The following TNFRSF21 variants were observed in gnomAD, a reference collection of about 807,000 sequenced individuals.
The protein encoded by TNFRSF21 is tumor necrosis factor receptor superfamily member 21.
Under a neutral mutation model 45.6 loss-of-function variants are expected in TNFRSF21, and 19 were observed. The ratio of observed to expected loss-of-function variants is 0.42; its 90% CI spans 0.29 to 0.61. TNFRSF21 has a LOEUF of 0.61. Among genes scored for constraint, TNFRSF21 ranks in the 20% least tolerant of loss-of-function variants. The pLI is 0.23. For missense variants in TNFRSF21, 737 were observed against 851.5 expected (o/e 0.87, Z 1.67); for synonymous variants, 314 against 335.5 (o/e 0.94, Z 0.70).
chr6:47,290,681 A>C (rs1762711832), intron 1 of TNFRSF21, among the ~76,000 whole-genome samples: 1 of 152,216 alleles, frequency 6.6e-6, no homozygotes, highest in African/African-American at 2.4e-5. Context: ...TCTCTAAAAA[A>C]GGACCTTTAA....
chr6:47,236,814 C>G (rs1764670272), intron 4 of TNFRSF21, among the ~76,000 whole-genome samples: 1 of 152,204 alleles, frequency 6.6e-6, no homozygotes, highest in South Asian at 2.1e-4. Context: ...GAACACTTGT[C>G]TACATCCTGG....
chr6:47,289,469 C>A (rs1198577310), intron 1 of TNFRSF21, among the ~76,000 whole-genome samples: 2 of 151,902 alleles, frequency 1.3e-5, no homozygotes, highest in Non-Finnish European at 2.9e-5. Flanking sequence ...CCTCCCCCAA[C>A]AAAAAAAGGA....
In TNFRSF21 at chr6:47,289,244, G is replaced by T. The variant is rs557179627; in HGVS notation, c.97-2649C>A. 7.7e-4 allele frequency among the ~76,000 whole-genome samples: 117 copies of T among 152,164 alleles called. 1 individual carries two copies. Among genetic ancestry groups the T allele is most frequent in the Non-Finnish European group, 1.4e-3 (95 of 68,000 alleles). Reference sequence around the variant, plus strand: ...ACCAGTGACTAAGAGAATAAATCAAGAATTTTTTTCACAGTGATCAGAGTT... The same window carrying T: ...ACCAGTGACTAAGAGAATAAATCAATAATTTTTTTCACAGTGATCAGAGTT... On this transcript the variant is annotated intron_variant, in intron 1 of 5. Coordinates refer to ENST00000296861, the MANE Select transcript of TNFRSF21 (RefSeq NM_014452.5).
rs1363225110 is a variant in TNFRSF21, at chr6:47,231,782, C to T, written c.*983G>A. 6.6e-6 allele frequency: 1 copy of T among 152,568 alleles called. No individual in the cohort carries two copies. The highest frequency in any genetic ancestry group is 1.5e-5 in the Non-Finnish European group (1 of 68,028). 9.5% of individuals were successfully genotyped at this position (152,568 alleles called of 1,614,324 possible). On this transcript the variant is annotated 3_prime_UTR_variant, in exon 6 of 6. Transcript: ENST00000296861. Reference sequence around the variant, plus strand: ...AATTGGTGAAGGAATCCCACCAGGACCAAGGCCTTGAGAGCAGATTGGACC... The same window carrying T: ...AATTGGTGAAGGAATCCCACCAGGATCAAGGCCTTGAGAGCAGATTGGACC...
intron 3 of TNFRSF21, among the ~76,000 whole-genome samples, chr6:47,280,176 G>T (rs1762548687): frequency 6.6e-6 from 1 of 152,204 alleles, no homozygotes; most frequent in Admixed American, 6.5e-5. Context: ...TCTACTGAGG[G>T]TAGGCAGGGA....
chr6:47,248,177 G>C (rs1345835561), intron 4 of TNFRSF21, among the ~76,000 whole-genome samples: 1 of 152,154 alleles, frequency 6.6e-6, no homozygotes, highest in Non-Finnish European at 1.5e-5. Context: ...ATGAAGGGAT[G>C]CTGAAACTCT....
chr6:47,274,492 C>G (rs1385267948), intron 3 of TNFRSF21, among the ~76,000 whole-genome samples: 2 of 152,092 alleles, frequency 1.3e-5, no homozygotes, highest in Non-Finnish European at 2.9e-5. Context: ...ATTAATTCAA[C>G]ATGGATTAAA....
At chr6:47,255,143 C>G (rs1254204050) in intron 3 of TNFRSF21, among the ~76,000 whole-genome samples, 1 of 152,188 alleles carries the variant, frequency 6.6e-6, no homozygotes, top group Non-Finnish European at 1.5e-5. Context: ...CACTTGAAAA[C>G]CCAGTGAGTG....
At chr6:47,267,261 G>C (rs1284430732) in intron 3 of TNFRSF21, among the ~76,000 whole-genome samples, 1 of 151,860 alleles carries the variant, frequency 6.6e-6, no homozygotes, top group Non-Finnish European at 1.5e-5. Flanking sequence ...ACTACGCCCA[G>C]CTAATTTTTG....
chr6:47,297,586 G>A lies in TNFRSF21; in HGVS notation c.97-10991C>T, dbSNP rs943970895. 4.2e-5 allele frequency among the ~76,000 whole-genome samples: 6 copies of A among 144,072 alleles called. No homozygotes were observed. The Admixed American group carries it at 4.5e-4, about 11-fold the overall frequency. 94.5% of individuals were successfully genotyped at this position (144,072 alleles called of 152,430 possible). A position where few individuals can be genotyped will look rare whatever the true frequency, so the allele number is the denominator to read the frequency against. ...CACCCAGGCTGGATTGCAGTGGCAC[G>A]ATCTGGGCTCACTGCAACTTCTCCC... On this transcript the variant is annotated intron_variant, in intron 1 of 5. Coordinates refer to ENST00000296861, the MANE Select transcript of TNFRSF21 (RefSeq NM_014452.5).
At chr6:47,288,890 A>G (rs1295632576) in intron 1 of TNFRSF21, among the ~76,000 whole-genome samples, 1 of 152,246 alleles carries the variant, frequency 6.6e-6, no homozygotes, top group Non-Finnish European at 1.5e-5. Context: ...CTGTTTGCTC[A>G]GCCTTTGAAG....
intron 1 of TNFRSF21, among the ~76,000 whole-genome samples, chr6:47,292,845 C>T (rs1434871964): frequency 6.6e-6 from 1 of 152,186 alleles, no homozygotes. Context: ...TGCATGCACA[C>T]CTTAAATTGG....
intron 4 of TNFRSF21, 109 bp downstream of exon 4, chr6:47,253,147 T>G: frequency 7.6e-7 from 1 of 1,311,180 alleles, no homozygotes; most frequent in East Asian, 2.5e-5. Flanking sequence ...TGTGTGTGTG[T>G]GCCTATCCAC....
intron 3 of TNFRSF21, among the ~76,000 whole-genome samples, chr6:47,281,323 T>C (rs987444001): frequency 3.3e-5 from 5 of 149,830 alleles, no homozygotes; most frequent in African/African-American, 1.2e-4. Context: ...ATATTACATG[T>C]TATATAATAT....
intron 3 of TNFRSF21, among the ~76,000 whole-genome samples, chr6:47,259,890 A>C (rs913485501): frequency 6.6e-6 from 1 of 152,198 alleles, no homozygotes; most frequent in Non-Finnish European, 1.5e-5. Flanking sequence ...TATGGTTTCA[A>C]ACTCCAGATT....
intron 3 of TNFRSF21, among the ~76,000 whole-genome samples, chr6:47,272,983 A>C (rs1762449694): frequency 6.6e-6 from 1 of 152,222 alleles, no homozygotes. Flanking sequence ...GAATCTCTGA[A>C]TAGACCAATA....
intron 3 of TNFRSF21, among the ~76,000 whole-genome samples, chr6:47,260,074 C>G (rs1297238589): frequency 6.6e-6 from 1 of 152,106 alleles, no homozygotes; most frequent in Non-Finnish European, 1.5e-5. Context: ...CTCTGCTTCC[C>G]CTGCCCCTCC....
chr6:47,270,372 G>T (rs935215624), intron 3 of TNFRSF21, among the ~76,000 whole-genome samples: 48 of 152,190 alleles, frequency 3.2e-4, no homozygotes, highest in African/African-American at 1.1e-3. Flanking sequence ...AGGCGAACAA[G>T]GTCTGGAGTG....
chr6:47,282,378 C>T (rs1762580247), intron 3 of TNFRSF21, among the ~76,000 whole-genome samples: 1 of 131,538 alleles, frequency 7.6e-6, no homozygotes, highest in Non-Finnish European at 1.5e-5. Flanking sequence ...GAGCTAAATT[C>T]TGTCTCAAAA....
Sources: gnomAD v4.1 joint callset for allele counts (sites outside exome capture counted in the v4.1 genomes callset) on GRCh38, gnomAD v4.1.1 for gene constraint, MANE v1.5 for transcripts, NCBI Gene and HGNC (gene_info 2026-07-23, HGNC 2026-07-21) for gene names.